Variants in PDE7B observed in about 807,000 individuals in gnomAD.
PDE7B encodes the protein 3',5'-cyclic-AMP phosphodiesterase 7B.
In PDE7B, 29 loss-of-function variants were observed where a neutral mutation model predicts 56.2. The ratio of observed to expected loss-of-function variants is 0.52; its 90% CI spans 0.38 to 0.70. PDE7B has a LOEUF of 0.70. Among genes scored for constraint, PDE7B ranks in the 30% least tolerant of loss-of-function variants. The pLI is 0.00. For missense variants in PDE7B, 490 were observed against 565.0 expected, an observed-to-expected ratio of 0.87 and a Z score of 1.35; for synonymous variants, 197 against 196.9, an observed-to-expected ratio of 1.00 and a Z score of 0.00.
chr6:135,892,971 T>C (rs1366290922), intron 1 of PDE7B, among the ~76,000 whole-genome samples: 1 of 152,200 alleles, frequency 6.6e-6, no homozygotes, highest in African/African-American at 2.4e-5. Flanking sequence ...TCTTTTTGAA[T>C]CCACATGGCA....
intron 2 of PDE7B, among the ~76,000 whole-genome samples, chr6:136,004,296 A>T (rs1182142701): frequency 6.6e-6 from 1 of 152,212 alleles, no homozygotes; most frequent in African/African-American, 2.4e-5. Flanking sequence ...CGGGCACAAG[A>T]CAGGGATGCC....
chr6:135,854,426 C>T (rs1413646905), intron 1 of PDE7B, among the ~76,000 whole-genome samples: 1 of 152,202 alleles, frequency 6.6e-6, no homozygotes, highest in East Asian at 1.9e-4. Flanking sequence ...TCTCTATCTA[C>T]AGAAATTCTT....
At chr6:136,179,768 T>C (rs1235783223) in intron 10 of PDE7B, among the ~76,000 whole-genome samples, 1 of 152,262 alleles carries the variant, frequency 6.6e-6, no homozygotes, top group Non-Finnish European at 1.5e-5. Context: ...CTTTATTTCC[T>C]TTTACTACCT....
intron 1 of PDE7B, among the ~76,000 whole-genome samples, chr6:135,863,317 T>C (rs936059604): frequency 6.6e-5 from 10 of 152,068 alleles, no homozygotes; most frequent in Admixed American, 6.6e-4. Context: ...TTGAACAATG[T>C]AAAATTGCCA....
chr6:136,084,977 C>T (rs932412260), intron 2 of PDE7B, among the ~76,000 whole-genome samples: 2 of 152,130 alleles, frequency 1.3e-5, no homozygotes, highest in African/African-American at 2.4e-5. Flanking sequence ...ATCCCCTTCA[C>T]CCCTCTTTCC....
intron 2 of PDE7B, among the ~76,000 whole-genome samples, chr6:135,959,704 G>A (rs1264238253): frequency 6.6e-6 from 1 of 152,070 alleles, no homozygotes; most frequent in East Asian, 1.9e-4. Flanking sequence ...AACAGTATAT[G>A]AATGACTATG....
intron 9 of PDE7B, among the ~76,000 whole-genome samples, chr6:136,177,133 A>G (rs1778990689): frequency 6.6e-6 from 1 of 151,976 alleles, no homozygotes; most frequent in South Asian, 2.1e-4. Flanking sequence ...AAAACTAGCC[A>G]TAAATAAAAA....
At chr6:136,060,712 A>C (rs191058091) in intron 2 of PDE7B, among the ~76,000 whole-genome samples, 1 of 152,306 alleles carries the variant, frequency 6.6e-6, no homozygotes, top group Admixed American at 6.5e-5. Context: ...ATAGCTAGTA[A>C]AAACCTAAAT....
chr6:135,980,618 G>A (rs1391458426), intron 2 of PDE7B, among the ~76,000 whole-genome samples: 1 of 152,102 alleles, frequency 6.6e-6, no homozygotes, highest in Non-Finnish European at 1.5e-5. Context: ...CAAAGAGTGG[G>A]CGAAGGACAT....
intron 2 of PDE7B, among the ~76,000 whole-genome samples, chr6:135,970,911 C>T (rs190440602): frequency 1.3e-5 from 2 of 152,076 alleles, no homozygotes; most frequent in East Asian, 1.9e-4. Context: ...AAGAGGGAAG[C>T]GTGCATCCTT....
chr6:135,975,062 G>T, intron 2 of PDE7B, among the ~76,000 whole-genome samples: 1 of 128,410 alleles, frequency 7.8e-6, no homozygotes, highest in Non-Finnish European at 1.6e-5. Flanking sequence ...CCCCCAACTA[G>T]AGCAGCAGCT....
chr6:135,983,573 T>A (rs1186026684), intron 2 of PDE7B, among the ~76,000 whole-genome samples: 1 of 152,204 alleles, frequency 6.6e-6, no homozygotes, highest in Non-Finnish European at 1.5e-5. Context: ...AAAGGTTTTT[T>A]AAAATTCAAT....
At chr6:136,142,161 T>C (rs1778338042) in intron 3 of PDE7B, among the ~76,000 whole-genome samples, 1 of 152,224 alleles carries the variant, frequency 6.6e-6, no homozygotes, top group Non-Finnish European at 1.5e-5. Context: ...TGTGTCTTTG[T>C]TCTCACTGGT....
At chr6:136,135,144 A>G (rs1778190823) in intron 3 of PDE7B, among the ~76,000 whole-genome samples, 1 of 152,138 alleles carries the variant, frequency 6.6e-6, no homozygotes, top group East Asian at 1.9e-4. Context: ...AGCTAATGAC[A>G]TAAGGCTTTA....
intron 2 of PDE7B, among the ~76,000 whole-genome samples, chr6:136,010,531 G>A (rs1438232244): frequency 2.6e-5 from 4 of 151,738 alleles, no homozygotes; most frequent in African/African-American, 4.8e-5. Flanking sequence ...TCAGCTTCCC[G>A]AGTAGCTGGG....
intron 9 of PDE7B, among the ~76,000 whole-genome samples, chr6:136,174,460 G>C (rs1778945300): frequency 6.6e-6 from 1 of 152,032 alleles, no homozygotes; most frequent in African/African-American, 2.4e-5. Context: ...TTCACTATTT[G>C]ATAGCCATGG....
rs1012381776 is a variant in PDE7B, at chr6:135,851,870, T to C, written c.-129T>C. 6 of 623,626 alleles carry C rather than the reference T, an allele frequency of 9.6e-6. No individual in the cohort carries two copies. In the African/African-American group the frequency reaches 1.1e-4, roughly 12 times the overall value. The allele number at this position is 623,626 out of a possible 1,614,324, so 38.6% of individuals were successfully genotyped here. On this transcript the variant is annotated 5_prime_UTR_variant, in exon 1 of 13. Transcript: ENST00000308191. ...TTTCCTTTTTTTTCTTTTTTTTTTT[T>C]TGTTACTTAATTATATTCCTAATCC...
chr6:135,964,766 C>A (rs1774962912), intron 2 of PDE7B, among the ~76,000 whole-genome samples: 1 of 152,194 alleles, frequency 6.6e-6, no homozygotes, highest in Non-Finnish European at 1.5e-5. Context: ...GACAAAACTT[C>A]TGTCCCAGGA....
chr6:135,887,489 G>A (rs1775730446), intron 1 of PDE7B, among the ~76,000 whole-genome samples: 1 of 152,112 alleles, frequency 6.6e-6, no homozygotes, highest in Non-Finnish European at 1.5e-5. Flanking sequence ...TCAGAAAAGT[G>A]AACGTATCAG....
Sources: allele counts gnomAD v4.1 joint callset (sites outside exome capture counted in the v4.1 genomes callset), GRCh38; gene constraint gnomAD v4.1.1; transcripts MANE v1.5; gene names NCBI Gene and HGNC (gene_info 2026-07-23, HGNC 2026-07-21).